Variants in HUWE1 observed in about 807,000 individuals in gnomAD.
HUWE1 encodes the protein E3 ubiquitin-protein ligase HUWE1.
HUWE1 carries 18 observed loss-of-function variants against 299.4 expected under a neutral mutation model. That is an observed-to-expected ratio of 0.06 (90% CI 0.04 to 0.09). The LOEUF (loss-of-function observed/expected upper bound fraction) is 0.09, where lower values mean the gene tolerates loss of function less well. Ranked by LOEUF, HUWE1 falls within the 10% of genes least tolerant of loss-of-function variation. The probability of loss-of-function intolerance (pLI) is 1.00; values close to 1 mark genes in which losing one functional copy is unlikely to be tolerated. For synonymous variants in HUWE1, 1,317 were observed against 1,286.1 expected, an observed-to-expected ratio of 1.02 and a Z score of -0.51; for missense variants, 1,832 against 3,462.3, an observed-to-expected ratio of 0.53 and a Z score of 11.82.
At chrX:53,547,226 A>G (rs2061576595) in intron 68 of HUWE1, among the ~76,000 whole-genome samples, 2 of 112,059 alleles carry the variant, frequency 1.8e-5, no homozygotes, top group Admixed American at 9.5e-5. Flanking sequence ...GGCAGGGCTC[A>G]TTACCTTTAT....
chrX:53,606,646 T>G (rs1448585334), intron 25 of HUWE1, among the ~76,000 whole-genome samples: 2 of 111,790 alleles, frequency 1.8e-5, no homozygotes, highest in Admixed American at 9.5e-5. Flanking sequence ...TATTAGGCCT[T>G]ACAAGGGAAG....
chrX:53,537,770 G>C, intron 77 of HUWE1, 74 bp from the exon 78 acceptor site: 7 of 1,000,288 alleles, frequency 7.0e-6, no homozygotes, highest in Non-Finnish European at 8.3e-6. Flanking sequence ...TTAGGAAGAA[G>C]ACCCACAATG....
At chrX:53,604,242 C>T (rs2065039602) in intron 26 of HUWE1, among the ~76,000 whole-genome samples, 1 of 111,889 alleles carries the variant, frequency 8.9e-6, no homozygotes, top group Admixed American at 9.4e-5. Context: ...TTGTTAATTA[C>T]TATTGATTTA....
At chrX:53,682,583 G>A (rs1428100537) in intron 2 of HUWE1, among the ~76,000 whole-genome samples, 2 of 111,363 alleles carry the variant, frequency 1.8e-5, no homozygotes, top group African/African-American at 6.6e-5. Flanking sequence ...AAATGGAAGG[G>A]GTAAAATGTA....
chrX:53,537,734 G>A (rs1556914417), intron 77 of HUWE1, 38 bp from the exon 78 acceptor site: 4 of 1,183,476 alleles, frequency 3.4e-6, no homozygotes, highest in Non-Finnish European at 4.6e-6. Context: ...AGGATTAAGG[G>A]TGGCAGAACA....
chrX:53,672,348 C>T (rs2069594458), intron 3 of HUWE1, among the ~76,000 whole-genome samples: 1 of 107,768 alleles, frequency 9.3e-6, no homozygotes, highest in Non-Finnish European at 1.9e-5. Context: ...CTGCAACCTC[C>T]GCCTCCTGGG....
rs2060910030 is a variant in HUWE1, at chrX:53,534,382, A to G, written c.12831+134T>C. On this transcript the variant is annotated intron_variant, in intron 82 of 83. Coordinates refer to ENST00000262854, the MANE Select transcript of HUWE1 (RefSeq NM_031407.7). ...AGTCTGCTATGCTTCAGGAGAACAA[A>G]GAGTTAGATATAGGTAGACTGTCTT... is the stretch of plus-strand genomic sequence containing the variant. The G allele has an allele frequency of 1.5e-5, 10 of 673,397 alleles. No individual in the cohort carries two copies. In the Admixed American group the frequency reaches 2.8e-4, roughly 19 times the overall value. 55.5% of individuals were successfully genotyped at this position (673,397 alleles called of 1,213,427 possible).
chrX:53,661,014 C>T (rs2068974292), intron 3 of HUWE1, among the ~76,000 whole-genome samples: 1 of 108,969 alleles, frequency 9.2e-6, no homozygotes. Flanking sequence ...CAAGTCCATG[C>T]TTTAATAACA....
chrX:53,566,573 C>T (rs2062585604), intron 49 of HUWE1, among the ~76,000 whole-genome samples: 1 of 111,397 alleles, frequency 9.0e-6, no homozygotes, highest in African/African-American at 3.3e-5. Context: ...CCTCCCACCT[C>T]AGCCTCCCAA....
chrX:53,601,702 CTT>C (rs1284158357), intron 28 of HUWE1, among the ~76,000 whole-genome samples: 5 of 96,078 alleles, frequency 5.2e-5, no homozygotes, highest in East Asian at 3.2e-4. Flanking sequence ...GTGTTTCGCT[CTT>C]GTTGCCCAGG....
Position 53,536,364 on chromosome X carries a change from T to C in HUWE1, c.12425+16A>G. On this transcript the variant is annotated intron_variant, in intron 79 of 83. Transcript: ENST00000262854. ...CCAGGACTGAAGACAGTCCCAGGAC[T>C]ATGCCTCATCCTCACCTGACTGACT... 4.1e-6 allele frequency: 5 copies of C among 1,209,126 alleles called. No individual in the cohort carries two copies. The highest frequency in any genetic ancestry group is 5.6e-6 in the Non-Finnish European group (5 of 893,054).
chrX:53,564,974 C>G, intron 50 of HUWE1, 93 bp downstream of exon 50: 1 of 993,588 alleles, frequency 1.0e-6, no homozygotes, highest in Non-Finnish European at 1.4e-6. Flanking sequence ...CAGCAAGTTC[C>G]CAGGGAAACA....
intron 7 of HUWE1, among the ~76,000 whole-genome samples, chrX:53,635,744 T>A (rs782035258): frequency 8.9e-6 from 1 of 112,166 alleles, no homozygotes; most frequent in Non-Finnish European, 1.9e-5. Context: ...CACCATGAAC[T>A]AACATGGCTC....
chrX:53,670,087 C>T (rs1260143914), intron 3 of HUWE1, among the ~76,000 whole-genome samples: 1 of 111,850 alleles, frequency 8.9e-6, no homozygotes, highest in Non-Finnish European at 1.9e-5. Flanking sequence ...CATGAAAACA[C>T]ATGGCCAAAT....
chrX:53,569,225 C>A (rs782380637), intron 48 of HUWE1, among the ~76,000 whole-genome samples: 1 of 112,143 alleles, frequency 8.9e-6, no homozygotes, highest in Non-Finnish European at 1.9e-5. Context: ...CGCCATGTTG[C>A]CAAGGCTGGT....
intron 24 of HUWE1, 110 bp from the exon 25 acceptor site, chrX:53,607,809 T>G: frequency 1.9e-6 from 1 of 525,382 alleles, no homozygotes; most frequent in Non-Finnish European, 3.3e-6. Context: ...GTGTTTTCTA[T>G]AGAGTATCAA....
intron 37 of HUWE1, among the ~76,000 whole-genome samples, chrX:53,587,704 T>G (rs1380924050): frequency 1.8e-5 from 2 of 111,673 alleles, no homozygotes; most frequent in Non-Finnish European, 3.8e-5. Context: ...CCAAGACAGC[T>G]GTTACACAGT....
At chrX:53,534,948 T>G (rs1395255464) in intron 81 of HUWE1, among the ~76,000 whole-genome samples, 1 of 109,359 alleles carries the variant, frequency 9.1e-6, no homozygotes, top group Non-Finnish European at 1.9e-5. Context: ...GTTTGTTTTT[T>G]TTTTTTGAGA....
At chrX:53,664,764 T>C (rs190712273) in intron 3 of HUWE1, among the ~76,000 whole-genome samples, 1 of 111,689 alleles carries the variant, frequency 9.0e-6, no homozygotes, top group Non-Finnish European at 1.9e-5. Context: ...GCATTCTTCA[T>C]GTCAACAAGC....
Sources: allele counts gnomAD v4.1 joint callset (sites outside exome capture counted in the v4.1 genomes callset), GRCh38; gene constraint gnomAD v4.1.1; transcripts MANE v1.5; gene names NCBI Gene and HGNC (gene_info 2026-07-23, HGNC 2026-07-21).